Variants in MACO1 observed in about 807,000 individuals in gnomAD.
MACO1 encodes the protein macoilin.
Under a neutral mutation model 78.7 loss-of-function variants are expected in MACO1, and 14 were observed. The observed-to-expected ratio is 0.18, with a 90% CI of 0.12 to 0.28. MACO1 has a LOEUF of 0.28. MACO1 is among the 10% of genes least tolerant of loss of function. The pLI, the probability that MACO1 is intolerant of heterozygous loss-of-function variation, is 1.00. For synonymous variants in MACO1, 288 were observed against 291.6 expected, an observed-to-expected ratio of 0.99 and a Z score of 0.12; for missense variants, 501 against 799.0, an observed-to-expected ratio of 0.63 and a Z score of 4.50.
chr1:25,487,996 G>A (rs972312307), intron 8 of MACO1, among the ~76,000 whole-genome samples: 4 of 152,190 alleles, frequency 2.6e-5, no homozygotes, highest in Admixed American at 6.5e-5. Context: ...GAAGAAGGTA[G>A]TATGGGTAAA....
intron 1 of MACO1, among the ~76,000 whole-genome samples, chr1:25,431,452 G>A (rs1474846554): frequency 6.6e-6 from 1 of 150,600 alleles, no homozygotes; most frequent in Non-Finnish European, 1.5e-5. Context: ...GGGCCCGCCG[G>A]GGGGAGGGGC....
intron 1 of MACO1, among the ~76,000 whole-genome samples, chr1:25,443,545 A>G (rs905318572): frequency 2.5e-4 from 38 of 152,206 alleles, no homozygotes; most frequent in African/African-American, 8.7e-4. Flanking sequence ...AGTTGTTTGA[A>G]AAGAAATGTA....
At chr1:25,468,240 A>G (rs1409762650) in intron 6 of MACO1, among the ~76,000 whole-genome samples, 2 of 152,190 alleles carry the variant, frequency 1.3e-5, no homozygotes, top group Non-Finnish European at 2.9e-5. Context: ...AGGATCTCTG[A>G]GACTTCAACT....
At chr1:25,460,640 G>A (rs895271835) in intron 6 of MACO1, among the ~76,000 whole-genome samples, 18 of 152,004 alleles carry the variant, frequency 1.2e-4, no homozygotes, top group African/African-American at 2.4e-4. Context: ...TAGTAATAGC[G>A]GTCAAGCTAT....
Position 25,474,259 on chromosome 1 carries a change from C to T in MACO1, c.1155-9857C>T, listed in dbSNP as rs368670184. Among the ~76,000 whole-genome samples the T allele has an allele frequency of 3.3e-5, 5 of 152,126 alleles. No homozygotes were observed. The East Asian group carries it at 7.7e-4, about 24-fold the overall frequency. ...CTCAGTTAAAAAACTTTTTTTTTAA[C>T]ATCATGTAGGAGGAGGGTCAAACAA... On this transcript the variant is annotated intron_variant, in intron 6 of 10. Coordinates refer to ENST00000374343, the MANE Select transcript of MACO1 (RefSeq NM_018202.6).
chr1:25,460,018 G>T (rs1399399179), intron 6 of MACO1, among the ~76,000 whole-genome samples: 2 of 152,168 alleles, frequency 1.3e-5, no homozygotes, highest in East Asian at 1.9e-4. Flanking sequence ...CCTTTAGGCA[G>T]TCCGTTTATT....
intron 6 of MACO1, among the ~76,000 whole-genome samples, chr1:25,470,993 A>C (rs373461473): frequency 8.6e-5 from 13 of 151,452 alleles, no homozygotes; most frequent in African/African-American, 3.2e-4. Context: ...GCACCTCTGC[A>C]CTCCAGCCTG....
intron 2 of MACO1, 141 bp downstream of exon 2, chr1:25,447,044 C>G (rs987409971): frequency 9.8e-7 from 1 of 1,015,290 alleles, no homozygotes; most frequent in African/African-American, 1.6e-5. Context: ...ACTATTTTGT[C>G]TAAACCCATT....
chr1:25,489,831 A>G (rs1228783973), intron 9 of MACO1, among the ~76,000 whole-genome samples: 1 of 152,228 alleles, frequency 6.6e-6, no homozygotes, highest in Non-Finnish European at 1.5e-5. Context: ...GCCAGGTGGG[A>G]CAAGTGAAAA....
chr1:25,495,415 G>A (rs2043526489), intron 10 of MACO1, among the ~76,000 whole-genome samples: 1 of 152,132 alleles, frequency 6.6e-6, no homozygotes, highest in African/African-American at 2.4e-5. Context: ...GATGCTTTTA[G>A]GTATTTTATT....
At chr1:25,446,523 A>T (rs2043016622) in intron 1 of MACO1, among the ~76,000 whole-genome samples, 1 of 152,198 alleles carries the variant, frequency 6.6e-6, no homozygotes, top group Non-Finnish European at 1.5e-5. Context: ...TTTCCATCTT[A>T]AGTAGAATTA....
chr1:25,488,972 C>A (rs1035911536), intron 8 of MACO1, among the ~76,000 whole-genome samples: 2 of 152,086 alleles, frequency 1.3e-5, no homozygotes, highest in Non-Finnish European at 2.9e-5. Flanking sequence ...CATGTACCAC[C>A]ATGCCCAGCC....
At chr1:25,471,207 C>G (rs1054981388) in intron 6 of MACO1, among the ~76,000 whole-genome samples, 1 of 151,808 alleles carries the variant, frequency 6.6e-6, no homozygotes, top group Non-Finnish European at 1.5e-5. Context: ...AGTGCAGTGG[C>G]GGGTGCCTGT....
At chr1:25,473,192 C>G (rs181074431) in intron 6 of MACO1, among the ~76,000 whole-genome samples, 1 of 50,994 alleles carries the variant, frequency 2.0e-5, no homozygotes, top group Non-Finnish European at 5.0e-5. Flanking sequence ...TAGTTTGACT[C>G]TGTTTATATT....
At chr1:25,476,586 G>A (rs1473528120) in intron 6 of MACO1, among the ~76,000 whole-genome samples, 1 of 152,198 alleles carries the variant, frequency 6.6e-6, no homozygotes, top group Non-Finnish European at 1.5e-5. Flanking sequence ...AAGGAGAGAG[G>A]GAGGAGTTGG....
intron 6 of MACO1, among the ~76,000 whole-genome samples, chr1:25,464,881 A>C (rs1311759178): frequency 6.7e-6 from 1 of 148,328 alleles, no homozygotes; most frequent in Non-Finnish European, 1.5e-5. Flanking sequence ...CACCATGTTA[A>C]CCAGCTGGTC....
At chr1:25,462,492 C>T (rs2043180541) in intron 6 of MACO1, among the ~76,000 whole-genome samples, 1 of 152,126 alleles carries the variant, frequency 6.6e-6, no homozygotes, top group African/African-American at 2.4e-5. Context: ...TCTGTTGTTC[C>T]AGTCTTTCTG....
chr1:25,498,386 C>T lies in MACO1; in HGVS notation c.1915C>T (p.His639Tyr). The T allele has an allele frequency of 1.2e-6, 2 of 1,614,080 alleles. No homozygotes were observed. The highest frequency in any genetic ancestry group is 1.3e-5 in the African/African-American group (1 of 74,992). The change falls in exon 11 of 11, where the codon CAC becomes TAC. Residue 639 changes from histidine to tyrosine, a missense_variant. His to Tyr is a moderately conservative substitution (Grantham distance 83). Around this residue, in one of 5 missense-constraint regions of MACO1, gnomAD observed 66 missense variants for 101.6 expected, o/e 0.65. Transcript: ENST00000374343. ...CAGCCCCCTGAGCCCTGTTTCCCCC[C>T]ACTACTCTTCCAAATTTGTGGAGAC... ...ATSPLSPVSP[H>Y]YSSKFVETSP...
chr1:25,457,817 G>A (rs2043134312), intron 5 of MACO1, among the ~76,000 whole-genome samples: 1 of 152,194 alleles, frequency 6.6e-6, no homozygotes, highest in Non-Finnish European at 1.5e-5. Flanking sequence ...AAATTGGAAT[G>A]TGTAGACCCA....
Sources: gnomAD v4.1 joint callset for allele counts (sites outside exome capture counted in the v4.1 genomes callset) on GRCh38, gnomAD v4.1.1 for gene constraint, gnomAD v4.1.1 regional missense constraint, MANE v1.5 for transcripts, NCBI Gene and HGNC (gene_info 2026-07-23, HGNC 2026-07-21) for gene names.